The following GSE1 variants were observed in gnomAD, a reference collection of about 807,000 sequenced individuals.
The protein encoded by GSE1 is Gse1 coiled-coil protein, also known as genetic suppressor element 1.
A neutral mutation model predicts 112.6 loss-of-function variants in GSE1; 32 were observed. The ratio of observed to expected loss-of-function variants is 0.28; its 90% CI spans 0.21 to 0.38. The LOEUF (loss-of-function observed/expected upper bound fraction) is 0.38, where lower values mean the gene tolerates loss of function less well. Among genes scored for constraint, GSE1 ranks in the 10% least tolerant of loss-of-function variants. The pLI is 1.00. For missense variants in GSE1, 2,348 were observed against 1,699.2 expected, an observed-to-expected ratio of 1.38 and a Z score of -6.71; for synonymous variants, 1,115 against 735.6, an observed-to-expected ratio of 1.52 and a Z score of -8.35.
intron 1 of GSE1, among the ~76,000 whole-genome samples, chr16:85,250,847 C>T (rs1006487803): frequency 6.2e-5 from 9 of 146,188 alleles, no homozygotes; most frequent in African/African-American, 2.3e-4. Flanking sequence ...CCCTCCCTGG[C>T]AACCACCCAT....
rs1552272 is a variant in GSE1, at chr16:85,419,089, C to T, written c.2464+61446C>T. On this transcript the variant is annotated intron_variant, in intron 2 of 2. Coordinates refer to the GSE1 transcript ENST00000637419. This position sits in a 1 kb window ranked among gnomAD's most constrained non-coding sequence, Gnocchi z 6.5. ...GGAGCTATGAATGTGGGCGTCCCAGCGCACAGATGGCGTGTAAAGCTGGGA... is the reference window on the plus strand; with the variant it reads ...GGAGCTATGAATGTGGGCGTCCCAGTGCACAGATGGCGTGTAAAGCTGGGA... Among the ~76,000 whole-genome samples the T allele has an allele frequency of 0.62, 94,874 of 151,838 alleles. 29,906 individuals carry two copies. The highest frequency in any genetic ancestry group is 0.7 in the South Asian group (3,371 of 4,802).
chr16:85,620,020 G>T (rs895327922), intron 1 of GSE1, among the ~76,000 whole-genome samples: 2 of 152,178 alleles, frequency 1.3e-5, no homozygotes, highest in Non-Finnish European at 2.9e-5. Context: ...TGCTTATGGG[G>T]TGCGGTGGCT....
intron 1 of GSE1, among the ~76,000 whole-genome samples, chr16:85,195,822 C>CAG (rs1348283982): frequency 1.4e-4 from 22 of 152,180 alleles, no homozygotes; most frequent in Non-Finnish European, 2.5e-4. Flanking sequence ...CAGCCTAATT[C>CAG]CATTTACACA....
intron 1 of GSE1, among the ~76,000 whole-genome samples, chr16:85,347,340 A>T (rs2046763988): frequency 6.6e-6 from 1 of 152,156 alleles, no homozygotes; most frequent in Non-Finnish European, 1.5e-5. Context: ...CAGGGCCTCC[A>T]CATCTTGGGG....
intron 1 of GSE1, among the ~76,000 whole-genome samples, chr16:85,275,513 C>T (rs373029986): frequency 6.6e-6 from 1 of 152,218 alleles, no homozygotes; most frequent in Non-Finnish European, 1.5e-5. Flanking sequence ...ACTCGACAAG[C>T]CACCGAGTTC....
chr16:85,224,739 C>G (rs1174813031), intron 1 of GSE1, among the ~76,000 whole-genome samples: 3 of 151,986 alleles, frequency 2.0e-5, no homozygotes, highest in Non-Finnish European at 4.4e-5. Flanking sequence ...CCTGTAATCC[C>G]AGCACTTTGG....
At chr16:85,575,237 C>G (rs746760763) in intron 1 of GSE1, among the ~76,000 whole-genome samples, 1 of 152,228 alleles carries the variant, frequency 6.6e-6, no homozygotes, top group South Asian at 2.1e-4. Context: ...TGGCAGCCAC[C>G]TCTGCAACCT....
chr16:85,357,377 T>C (rs1597475496), intron 1 of GSE1: 1 of 873,350 alleles, frequency 1.1e-6, no homozygotes, highest in Non-Finnish European at 1.5e-6. Flanking sequence ...CGGGGAGGAA[T>C]GGCACCTATG....
intron 2 of GSE1, among the ~76,000 whole-genome samples, chr16:85,392,101 G>A (rs570642037): frequency 6.6e-6 from 1 of 151,746 alleles, no homozygotes; most frequent in East Asian, 1.9e-4. Context: ...CTCCCTTCCC[G>A]TGATTCCCTC....
rs963495552 is a variant in GSE1 at position 85,675,695 on chromosome 16, C to G, written c.*3156C>G. On this transcript the variant is annotated 3_prime_UTR_variant, in exon 16 of 16. Coordinates refer to ENST00000253458, the MANE Select transcript of GSE1 (RefSeq NM_014615.5). ...CTGAATTTCACACCAGATCCTACCCCTTTCCCTGAGCCACATGTTTCACAC... is the reference window on the plus strand; with the variant it reads ...CTGAATTTCACACCAGATCCTACCCGTTTCCCTGAGCCACATGTTTCACAC... The G allele has an allele frequency of 6.6e-6, 1 of 152,240 alleles. No individual in the cohort carries two copies. The highest frequency in any genetic ancestry group is 1.5e-5 in the Non-Finnish European group (1 of 68,054). 9.4% of individuals were successfully genotyped at this position (152,240 alleles called of 1,614,324 possible). A position where few individuals can be genotyped will look rare whatever the true frequency, so the allele number is the denominator to read the frequency against.
chr16:85,623,483 G>A (rs776947821), intron 1 of GSE1, among the ~76,000 whole-genome samples: 2 of 152,212 alleles, frequency 1.3e-5, no homozygotes, highest in Non-Finnish European at 2.9e-5. Flanking sequence ...TTGGGCATGA[G>A]TCAGCCTGGG....
intron 2 of GSE1, among the ~76,000 whole-genome samples, chr16:85,381,666 G>T (rs1399148673): frequency 6.6e-6 from 1 of 152,260 alleles, no homozygotes; most frequent in African/African-American, 2.4e-5. Context: ...GCCAGATGCT[G>T]CTGGCTTTCA....
intron 2 of GSE1, among the ~76,000 whole-genome samples, chr16:85,441,812 T>G (rs1451073268): frequency 6.6e-6 from 1 of 152,140 alleles, no homozygotes; most frequent in Non-Finnish European, 1.5e-5. Flanking sequence ...GCCTCCCCTC[T>G]AACCCCTGCA....
In GSE1 at chr16:85,331,375, A is replaced by ATATATATGTATATATATG. The variant is rs1567692600; in HGVS notation, c.2284-26086_2284-26069dup. On this transcript the variant is annotated intron_variant, in intron 1 of 2. Coordinates refer to the GSE1 transcript ENST00000637419. The stretch of plus-strand genomic sequence containing the variant: ...TGTGTGTGTGTGTGTGTATATATGT[A>ATATATATGTATATATATG]TATATATGTATATATATGTGTATAT... 3.2e-4 allele frequency among the ~76,000 whole-genome samples: 43 copies of ATATATATGTATATATATG among 134,402 alleles called. 2 individuals are homozygous for ATATATATGTATATATATG. Among genetic ancestry groups the ATATATATGTATATATATG allele is most frequent in the African/African-American group, 1.1e-3 (40 of 36,730 alleles). The allele number at this position is 134,402 out of a possible 152,430, so 88.2% of individuals were successfully genotyped here.
intron 2 of GSE1, among the ~76,000 whole-genome samples, chr16:85,426,628 T>C (rs976993479): frequency 1.4e-5 from 2 of 146,750 alleles, no homozygotes; most frequent in Non-Finnish European, 3.0e-5. Context: ...AGGACAGATG[T>C]AGGTAGATGG....
chr16:85,671,535 G>A (rs550641752), intron 15 of GSE1, among the ~76,000 whole-genome samples: 2 of 151,966 alleles, frequency 1.3e-5, no homozygotes, highest in Non-Finnish European at 2.9e-5. Context: ...GATCACATGA[G>A]CCCAGGAGTT....
intron 2 of GSE1, among the ~76,000 whole-genome samples, chr16:85,637,078 A>G (rs1031601814): frequency 6.6e-6 from 1 of 152,230 alleles, no homozygotes; most frequent in African/African-American, 2.4e-5. Flanking sequence ...GTAGAAGCGC[A>G]TGATTTGGTG....
At chr16:85,395,349 C>T (rs1294322718) in intron 2 of GSE1, among the ~76,000 whole-genome samples, 2 of 152,150 alleles carry the variant, frequency 1.3e-5, no homozygotes, top group Admixed American at 6.5e-5. Flanking sequence ...CTAAGATGAT[C>T]GCGCCCTGCT....
chr16:85,656,177 G>A (rs899171978), intron 6 of GSE1, among the ~76,000 whole-genome samples, 166 bp from the exon 7 acceptor site: 1 of 152,166 alleles, frequency 6.6e-6, no homozygotes, highest in African/African-American at 2.4e-5. Flanking sequence ...CGCTTTGATT[G>A]TATGGACCTT....
Sources: allele counts gnomAD v4.1 joint callset (sites outside exome capture counted in the v4.1 genomes callset), GRCh38; gene constraint gnomAD v4.1.1; non-coding constraint Gnocchi (gnomAD v3.1); transcripts MANE v1.5; gene names NCBI Gene and HGNC (gene_info 2026-07-23, HGNC 2026-07-21).